The following PTPRT variants were observed in gnomAD, a reference collection of about 807,000 sequenced individuals.
PTPRT encodes the protein receptor-type tyrosine-protein phosphatase T.
Under a neutral mutation model 176.8 loss-of-function variants are expected in PTPRT, and 56 were observed. The observed-to-expected ratio is 0.32, with a 90% CI of 0.26 to 0.40. The LOEUF is 0.40. Among genes scored for constraint, PTPRT ranks in the 10% least tolerant of loss-of-function variants. The pLI is 1.00. For missense variants in PTPRT, 1,540 were observed against 1,908.2 expected (o/e 0.81, Z 3.60); for synonymous variants, 783 against 739.0 (o/e 1.06, Z -0.96).
chr20:42,834,596 A>C (rs1211542569), intron 2 of PTPRT, among the ~76,000 whole-genome samples: 1 of 152,198 alleles, frequency 6.6e-6, no homozygotes, highest in Non-Finnish European at 1.5e-5. Flanking sequence ...ATCACCAAAA[A>C]TCCGAAACAA....
chr20:42,364,891 A>G (rs192622585), intron 9 of PTPRT, among the ~76,000 whole-genome samples: 2 of 152,202 alleles, frequency 1.3e-5, no homozygotes, highest in Non-Finnish European at 2.9e-5. Flanking sequence ...TACTCGAAGG[A>G]GGCAGCGATG....
intron 1 of PTPRT, among the ~76,000 whole-genome samples, chr20:43,056,546 A>G (rs557880212): frequency 6.6e-6 from 1 of 152,286 alleles, no homozygotes; most frequent in Admixed American, 6.5e-5. Context: ...GCATACACAC[A>G]CGGTCTGTTG....
At chr20:42,292,087 C>T (rs188891199) in intron 12 of PTPRT, among the ~76,000 whole-genome samples, 162 of 152,158 alleles carry the variant, frequency 1.1e-3, no homozygotes, top group African/African-American at 3.7e-3. Flanking sequence ...TATTTTTGCT[C>T]TGTTTGACTC....
chr20:42,708,186 A>T (rs1421808214), intron 6 of PTPRT, among the ~76,000 whole-genome samples: 1 of 152,202 alleles, frequency 6.6e-6, no homozygotes, highest in Non-Finnish European at 1.5e-5. Flanking sequence ...TAAAACAAAA[A>T]ATCAAAGAGA....
chr20:42,125,823 TG>T (rs1295763978), intron 19 of PTPRT, among the ~76,000 whole-genome samples: 1 of 152,156 alleles, frequency 6.6e-6, no homozygotes, highest in Non-Finnish European at 1.5e-5. Context: ...AAATGACTTT[TG>T]TTGGGGGATT....
At chr20:42,318,877 C>A (rs1345668897) in intron 11 of PTPRT, among the ~76,000 whole-genome samples, 1 of 152,200 alleles carries the variant, frequency 6.6e-6, no homozygotes, top group East Asian at 1.9e-4. Context: ...CTCCAAGAAT[C>A]AGTTCCTACT....
chr20:42,559,831 T>C (rs1424960832), intron 7 of PTPRT, among the ~76,000 whole-genome samples: 1 of 152,226 alleles, frequency 6.6e-6, no homozygotes, highest in Non-Finnish European at 1.5e-5. Flanking sequence ...AAGTTCATTG[T>C]GCTAGAAAAA....
chr20:42,572,961 C>T (rs989781380), intron 7 of PTPRT, among the ~76,000 whole-genome samples: 7 of 140,204 alleles, frequency 5.0e-5, no homozygotes, highest in African/African-American at 1.9e-4. Context: ...AATTGATAGC[C>T]TTTTTTTTTT....
At chr20:42,730,220 T>A (rs1454126134) in intron 6 of PTPRT, among the ~76,000 whole-genome samples, 1 of 152,168 alleles carries the variant, frequency 6.6e-6, no homozygotes, top group African/African-American at 2.4e-5. Flanking sequence ...CATTCCATAT[T>A]TCTCCAGGAG....
At chr20:43,040,324 G>T (rs1456043519) in intron 1 of PTPRT, among the ~76,000 whole-genome samples, 1 of 152,154 alleles carries the variant, frequency 6.6e-6, no homozygotes, top group Non-Finnish European at 1.5e-5. Context: ...TCAATATTTA[G>T]AATTATGACT....
At chr20:42,780,654 C>T (rs933798206) in intron 3 of PTPRT, among the ~76,000 whole-genome samples, 15 of 152,162 alleles carry the variant, frequency 9.9e-5, no homozygotes, top group African/African-American at 3.6e-4. Flanking sequence ...CAGAGAACTA[C>T]TTTCTAATAT....
chr20:42,806,344 C>T (rs1461423950), intron 2 of PTPRT, among the ~76,000 whole-genome samples: 1 of 151,918 alleles, frequency 6.6e-6, no homozygotes, highest in Non-Finnish European at 1.5e-5. Context: ...ATTAGCTGTG[C>T]ATGGTGGCGC....
chr20:42,397,946 A>G (rs1271675783), intron 9 of PTPRT, among the ~76,000 whole-genome samples: 1 of 152,204 alleles, frequency 6.6e-6, no homozygotes, highest in African/African-American at 2.4e-5. Context: ...TTTCTTGGGC[A>G]ATTTCTTATG....
chr20:42,962,384 A>G (rs1434265443), intron 1 of PTPRT, among the ~76,000 whole-genome samples: 2 of 152,182 alleles, frequency 1.3e-5, no homozygotes, highest in Non-Finnish European at 2.9e-5. Context: ...TAAAATGACC[A>G]GGAGTAAATT....
At position 42,661,713 on chromosome 20, in the gene PTPRT, C is replaced by G. The variant is rs561280786; in HGVS notation, c.1153+16153G>C. Among the ~76,000 whole-genome samples, 467 of 152,314 alleles carry G rather than the reference C, an allele frequency of 3.1e-3. 2 individuals carry two copies. The highest frequency in any genetic ancestry group is 0.01 in the African/African-American group (417 of 41,566). On this transcript the variant is annotated intron_variant, in intron 7 of 30. Coordinates refer to ENST00000373187, the MANE Select transcript of PTPRT (RefSeq NM_007050.6). The stretch of plus-strand genomic sequence containing the variant: ...CCTTCGAGACCCCCTAACTCCCACT[C>G]TCACCTCCTGCTACACCTCATCTCA...
At chr20:42,098,682 C>CT (rs1985544271) in intron 26 of PTPRT, 130 bp from the exon 27 acceptor site, 3 of 1,213,744 alleles carry the variant, frequency 2.5e-6, no homozygotes, top group East Asian at 2.5e-5. Context: ...CCTGCCTGTT[C>CT]TTTTATCTCT....
chr20:43,084,854 T>C (rs2011562321), intron 1 of PTPRT, among the ~76,000 whole-genome samples: 1 of 152,172 alleles, frequency 6.6e-6, no homozygotes, highest in African/African-American at 2.4e-5. Context: ...GATGACAGGA[T>C]TATGGGTTTT....
intron 2 of PTPRT, among the ~76,000 whole-genome samples, chr20:42,816,183 G>C (rs2077781494): frequency 6.6e-6 from 1 of 152,158 alleles, no homozygotes; most frequent in African/African-American, 2.4e-5. Context: ...AAGTGAGTAA[G>C]ATCTCTCATG....
chr20:43,036,465 G>A (rs1318492214), intron 1 of PTPRT, among the ~76,000 whole-genome samples: 6 of 152,078 alleles, frequency 3.9e-5, no homozygotes, highest in African/African-American at 7.2e-5. Context: ...AATTTTGATG[G>A]GAGGAATAAC....
Sources: allele counts gnomAD v4.1 joint callset (sites outside exome capture counted in the v4.1 genomes callset), GRCh38; gene constraint gnomAD v4.1.1; transcripts MANE v1.5; gene names NCBI Gene and HGNC (gene_info 2026-07-23, HGNC 2026-07-21).